NAALADL2: variants seen among roughly 807,000 people sequenced by gnomAD.
The protein encoded by NAALADL2 is inactive N-acetylated-alpha-linked acidic dipeptidase-like protein 2.
NAALADL2 carries 76 observed loss-of-function variants against 87.2 expected under a neutral mutation model. That is an observed-to-expected ratio of 0.87 (90% CI 0.72 to 1.05). NAALADL2 has a LOEUF of 1.05. Ranked by LOEUF, NAALADL2 falls within the 50% of genes least tolerant of loss-of-function variation. The pLI is 0.00. For synonymous variants in NAALADL2, 354 were observed against 331.0 expected, an observed-to-expected ratio of 1.07 and a Z score of -0.75; for missense variants, 1,089 against 945.8, an observed-to-expected ratio of 1.15 and a Z score of -1.99.
At chr3:175,178,979 TACAG>T (rs1736069401) in intron 2 of NAALADL2, among the ~76,000 whole-genome samples, 1 of 152,008 alleles carries the variant, frequency 6.6e-6, no homozygotes, top group African/African-American at 2.4e-5. Context: ...TGTGAATTCT[TACAG>T]ACACTCTTCA....
chr3:175,127,118 C>A lies in NAALADL2; in HGVS notation c.545+29827C>A, dbSNP rs374087864. ...AAATGTTAGTCTGTTTGCCACTGCT[C>A]TGGGACACCGTTCACAGGAGTGCTC... On this transcript the variant is annotated intron_variant, in intron 2 of 13. Coordinates refer to ENST00000454872, the MANE Select transcript of NAALADL2 (RefSeq NM_207015.3). Among the ~76,000 whole-genome samples the A allele has an allele frequency of 1.7e-4, 26 of 152,188 alleles. 1 individual carries two copies. In the East Asian group the frequency reaches 4.8e-3, roughly 28 times the overall value.
chr3:174,974,707 T>C, intron 1 of NAALADL2, among the ~76,000 whole-genome samples: 1 of 152,158 alleles, frequency 6.6e-6, no homozygotes, highest in Non-Finnish European at 1.5e-5. Flanking sequence ...GGAGATATAA[T>C]TGTTCAATTG....
At chr3:174,534,485 T>C (rs1204566126) in intron 1 of NAALADL2, among the ~76,000 whole-genome samples, 1 of 152,188 alleles carries the variant, frequency 6.6e-6, no homozygotes, top group Non-Finnish European at 1.5e-5. Flanking sequence ...TTCTCTGCCA[T>C]CCTCACGATG....
At chr3:175,569,823 TACACACACAC>T (rs34518577) in intron 9 of NAALADL2, among the ~76,000 whole-genome samples, 10 of 147,504 alleles carry the variant, frequency 6.8e-5, no homozygotes, top group East Asian at 2.0e-4. Context: ...GACCAACTAA[TACACACACAC>T]ACACACACAC....
intron 6 of NAALADL2, among the ~76,000 whole-genome samples, chr3:175,459,326 G>A (rs1396467478): frequency 6.6e-6 from 1 of 151,836 alleles, no homozygotes; most frequent in African/African-American, 2.4e-5. Context: ...TAATAGGGTG[G>A]GTAGATAGAT....
intron 2 of NAALADL2, among the ~76,000 whole-genome samples, chr3:175,104,464 GTTCTC>G (rs1252585999): frequency 2.6e-5 from 4 of 152,140 alleles, no homozygotes; most frequent in African/African-American, 9.7e-5. Context: ...ATCAGCAACT[GTTCTC>G]TTCTAGTCTC....
intron 1 of NAALADL2, among the ~76,000 whole-genome samples, chr3:174,469,643 G>T (rs1345084311): frequency 1.3e-5 from 2 of 151,802 alleles, no homozygotes; most frequent in Non-Finnish European, 2.9e-5. Context: ...TGTTAGCCAG[G>T]ATGGTCTCTA....
chr3:174,920,687 T>C (rs904613908), intron 1 of NAALADL2, among the ~76,000 whole-genome samples: 1 of 152,244 alleles, frequency 6.6e-6, no homozygotes, highest in Admixed American at 6.5e-5. Flanking sequence ...ATGAACTTTT[T>C]CTTTGCATTC....
chr3:174,614,842 G>A (rs1436588093), intron 2 of NAALADL2, among the ~76,000 whole-genome samples: 1 of 152,034 alleles, frequency 6.6e-6, no homozygotes, highest in African/African-American at 2.4e-5. Context: ...TTTTCCTAGA[G>A]TGTCTAAAAT....
chr3:175,398,133 C>T (rs961495153), intron 5 of NAALADL2, among the ~76,000 whole-genome samples: 5 of 151,954 alleles, frequency 3.3e-5, no homozygotes, highest in African/African-American at 1.2e-4. Flanking sequence ...AGTGTGTAAC[C>T]CATCATGCTT....
chr3:175,029,028 A>G (rs1426974453), intron 1 of NAALADL2, among the ~76,000 whole-genome samples: 1 of 137,946 alleles, frequency 7.2e-6, no homozygotes, highest in Non-Finnish European at 1.6e-5. Context: ...AATTACATAT[A>G]TGTAAAATCA....
At chr3:175,067,236 T>A (rs1714689813) in intron 1 of NAALADL2, among the ~76,000 whole-genome samples, 1 of 152,014 alleles carries the variant, frequency 6.6e-6, no homozygotes, top group Non-Finnish European at 1.5e-5. Context: ...AAACAAAAAT[T>A]GACTAGTGGA....
chr3:175,791,893 C>CT (rs1752827196), intron 13 of NAALADL2, among the ~76,000 whole-genome samples: 1 of 141,136 alleles, frequency 7.1e-6, no homozygotes, highest in South Asian at 2.3e-4. Context: ...GTGGAATTTG[C>CT]TTTTAGAGTT....
At chr3:175,546,487 C>T (rs1419921466) in intron 9 of NAALADL2, among the ~76,000 whole-genome samples, 1 of 152,038 alleles carries the variant, frequency 6.6e-6, no homozygotes, top group African/African-American at 2.4e-5. Context: ...TGTCATTGGT[C>T]TGTGTACTTC....
intron 5 of NAALADL2, among the ~76,000 whole-genome samples, chr3:175,364,253 A>G (rs1765322876): frequency 6.8e-6 from 1 of 147,998 alleles, no homozygotes; most frequent in South Asian, 2.2e-4. Context: ...CTTTTATCTT[A>G]AGATCAGAAA....
At chr3:174,726,611 A>G (rs1482841857) in intron 2 of NAALADL2, among the ~76,000 whole-genome samples, 3 of 151,872 alleles carry the variant, frequency 2.0e-5, no homozygotes, top group Non-Finnish European at 4.4e-5. Context: ...GCAACACTAG[A>G]TACTATTCTT....
intron 11 of NAALADL2, among the ~76,000 whole-genome samples, chr3:175,667,181 G>GAGAAAGAAAGAAAGAA (rs201860926): frequency 2.8e-4 from 27 of 95,234 alleles, no homozygotes; most frequent in East Asian, 1.1e-3. Context: ...AAGAAAGAAA[G>GAGAAAGAAAGAAAGAA]AGAAAGAAAG....
intron 2 of NAALADL2, among the ~76,000 whole-genome samples, chr3:174,707,377 C>T (rs963389288): frequency 2.0e-5 from 3 of 152,044 alleles, no homozygotes; most frequent in African/African-American, 4.8e-5. Flanking sequence ...TTCACAATAG[C>T]AAAGACTTGG....
At chr3:174,817,793 T>A (rs146616696) in intron 3 of NAALADL2, among the ~76,000 whole-genome samples, 1 of 152,272 alleles carries the variant, frequency 6.6e-6, no homozygotes, top group East Asian at 1.9e-4. Context: ...AAACCCTCAG[T>A]TTGCCAGTTT....
Sources: allele counts gnomAD v4.1 joint callset (sites outside exome capture counted in the v4.1 genomes callset), GRCh38; gene constraint gnomAD v4.1.1; transcripts MANE v1.5; gene names NCBI Gene and HGNC (gene_info 2026-07-23, HGNC 2026-07-21).